SDK1: variants seen among roughly 807,000 people sequenced by gnomAD.
The protein encoded by SDK1 is protein sidekick-1.
Under a neutral mutation model 245.5 loss-of-function variants are expected in SDK1, and 157 were observed. The ratio of observed to expected loss-of-function variants is 0.64; its 90% CI spans 0.56 to 0.73. The LOEUF is 0.73. Among genes scored for constraint, SDK1 ranks in the 30% least tolerant of loss-of-function variants. SDK1 has a pLI of 0.00. For missense variants in SDK1, 3,583 were observed against 3,002.3 expected, an observed-to-expected ratio of 1.19 and a Z score of -4.52; for synonymous variants, 1,647 against 1,278.5, an observed-to-expected ratio of 1.29 and a Z score of -6.15.
At chr7:4,223,582 G>A (rs963223641) in intron 40 of SDK1, among the ~76,000 whole-genome samples, 3 of 152,228 alleles carry the variant, frequency 2.0e-5, no homozygotes, top group Admixed American at 2.0e-4. Context: ...CTCCCTGTAT[G>A]TGTGTCTGCA....
intron 12 of SDK1, among the ~76,000 whole-genome samples, chr7:3,973,235 T>C (rs988953885): frequency 3.9e-5 from 6 of 152,192 alleles, no homozygotes; most frequent in African/African-American, 1.4e-4. Flanking sequence ...CATCTCCCTC[T>C]TGTGGAATCA....
intron 1 of SDK1, among the ~76,000 whole-genome samples, chr7:3,574,300 T>G (rs952573127): frequency 6.6e-6 from 1 of 151,870 alleles, no homozygotes; most frequent in Non-Finnish European, 1.5e-5. Context: ...GTATTTTTAG[T>G]AGAGACAGGG....
chr7:3,344,783 G>A (rs1780450273), intron 1 of SDK1, among the ~76,000 whole-genome samples: 1 of 152,200 alleles, frequency 6.6e-6, no homozygotes, highest in South Asian at 2.1e-4. Flanking sequence ...GTCCCTGGTA[G>A]TAAGTTCTGA....
At chr7:3,833,359 T>C (rs1214818071) in intron 5 of SDK1, among the ~76,000 whole-genome samples, 2 of 152,158 alleles carry the variant, frequency 1.3e-5, no homozygotes, top group Non-Finnish European at 2.9e-5. Context: ...TAAATGCCCT[T>C]CTCTTTCTCC....
In SDK1 at chr7:4,077,003, C is replaced by G; in HGVS notation, c.3016C>G (p.Gln1006Glu). The G allele has an allele frequency of 6.2e-7, 1 of 1,613,862 alleles. No homozygotes were observed. ...LEKNGIITGY[Q>E]ISWEVYGRND... ...CTGGTCCTGTTGCTTTCTAGGCTAT[C>G]AGATCTCTTGGGAAGTGTACGGCAG... Residue 1006 changes from glutamine to glutamate, a missense_variant, in exon 21 of 45, where the codon CAG becomes GAG. Physicochemically the swap from Gln to Glu is conservative, Grantham distance 29 (BLOSUM62 2). Transcript: ENST00000404826.
intron 28 of SDK1, among the ~76,000 whole-genome samples, chr7:4,144,985 C>T (rs537335291): frequency 4.7e-4 from 71 of 152,260 alleles, no homozygotes; most frequent in African/African-American, 1.7e-3. Flanking sequence ...AAGGTTCCTC[C>T]AGATGCCAGC....
intron 20 of SDK1, among the ~76,000 whole-genome samples, chr7:4,073,401 T>C (rs1281963643): frequency 6.6e-6 from 1 of 152,234 alleles, no homozygotes; most frequent in Non-Finnish European, 1.5e-5. Flanking sequence ...TTTTTGTTTG[T>C]ATCCACAACC....
At chr7:3,441,382 C>G (rs1344244510) in intron 1 of SDK1, among the ~76,000 whole-genome samples, 2 of 151,120 alleles carry the variant, frequency 1.3e-5, no homozygotes, top group Non-Finnish European at 3.0e-5. Flanking sequence ...TCCAAAATCT[C>G]AAAAAAACAA....
intron 32 of SDK1, among the ~76,000 whole-genome samples, chr7:4,163,349 G>A (rs1015834344): frequency 1.3e-5 from 2 of 152,218 alleles, no homozygotes; most frequent in South Asian, 4.1e-4. Flanking sequence ...TGATGGTTCG[G>A]GAAGTCAGGA....
In SDK1 at chr7:3,521,508, G is replaced by A. The variant is rs541112953; in HGVS notation, c.299-97572G>A. On this transcript the variant is annotated intron_variant, in intron 1 of 44. Transcript: ENST00000404826. The stretch of plus-strand genomic sequence containing the variant: ...TAAGCGTCATAGTCCTGACACACGA[G>A]TTGGTAAAAAACTAACTGGGAACTT... Among the ~76,000 whole-genome samples, 92 of 152,266 alleles carry A rather than the reference G, an allele frequency of 6.0e-4. 1 individual carries two copies. Among genetic ancestry groups the A allele is most frequent in the Non-Finnish European group, 1.0e-3 (68 of 68,026 alleles).
intron 1 of SDK1, among the ~76,000 whole-genome samples, chr7:3,349,469 T>C (rs1780599218): frequency 6.6e-6 from 1 of 152,156 alleles, no homozygotes; most frequent in Non-Finnish European, 1.5e-5. Context: ...CTGAACACAG[T>C]GTCCATGAAG....
intron 40 of SDK1, among the ~76,000 whole-genome samples, chr7:4,229,451 T>C (rs1203787074): frequency 1.3e-5 from 2 of 152,346 alleles, no homozygotes; most frequent in Admixed American, 6.5e-5. Flanking sequence ...AAATAAATCG[T>C]TCTGCGTTAA....
At chr7:3,955,033 C>T (rs1186461442) in intron 7 of SDK1, among the ~76,000 whole-genome samples, 3 of 152,094 alleles carry the variant, frequency 2.0e-5, no homozygotes, top group South Asian at 2.1e-4. Context: ...CTGTGAGATG[C>T]ATCTTCCCTC....
At chr7:3,710,421 G>A (rs28402987) in intron 4 of SDK1, among the ~76,000 whole-genome samples, 19,331 of 152,094 alleles carry the variant, frequency 0.13, 1,893 homozygotes, top group African/African-American at 0.27. Context: ...CTCAAATCTG[G>A]TTATTCTTTA....
intron 25 of SDK1, among the ~76,000 whole-genome samples, chr7:4,126,132 G>A (rs1457128496): frequency 4.6e-5 from 7 of 152,160 alleles, no homozygotes; most frequent in African/African-American, 1.7e-4. Context: ...GAAGTATGGC[G>A]GGATCTTCAG....
chr7:3,450,106 T>G (rs994698180), intron 1 of SDK1, among the ~76,000 whole-genome samples: 1 of 152,206 alleles, frequency 6.6e-6, no homozygotes, highest in Non-Finnish European at 1.5e-5. Context: ...ATAGTAAATA[T>G]AGACACTGAA....
intron 4 of SDK1, among the ~76,000 whole-genome samples, chr7:3,817,403 G>A (rs936222612): frequency 1.3e-5 from 2 of 152,176 alleles, no homozygotes; most frequent in African/African-American, 2.4e-5. Flanking sequence ...AGCAGGGAGT[G>A]GGATTTCCAA....
chr7:3,957,599 T>C (rs995914501), intron 7 of SDK1, among the ~76,000 whole-genome samples: 1 of 152,216 alleles, frequency 6.6e-6, no homozygotes, highest in Admixed American at 6.5e-5. Context: ...ACGGTAGATA[T>C]TGACTTAGCT....
intron 13 of SDK1, among the ~76,000 whole-genome samples, chr7:3,984,621 G>A (rs183191518): frequency 6.6e-6 from 1 of 152,164 alleles, no homozygotes; most frequent in East Asian, 1.9e-4. Flanking sequence ...GTTTTGCAAG[G>A]TTTGTCCTGA....
Sources: allele counts gnomAD v4.1 joint callset (sites outside exome capture counted in the v4.1 genomes callset), GRCh38; gene constraint gnomAD v4.1.1; transcripts MANE v1.5; gene names NCBI Gene and HGNC (gene_info 2026-07-23, HGNC 2026-07-21).